The following BTAF1 variants were observed in gnomAD, a reference collection of about 807,000 sequenced individuals.
BTAF1 encodes the protein B-TFIID TATA-box binding protein associated factor 1.
A neutral mutation model predicts 227.1 loss-of-function variants in BTAF1; 38 were observed. The observed-to-expected ratio is 0.17, with a 90% CI of 0.13 to 0.22. BTAF1 has a LOEUF of 0.22. Ranked by LOEUF, BTAF1 falls within the 10% of genes least tolerant of loss-of-function variation. The pLI is 1.00. For missense variants in BTAF1, 1,598 were observed against 2,204.0 expected (o/e 0.73, Z 5.51); for synonymous variants, 742 against 751.9 (o/e 0.99, Z 0.21).
chr10:91,948,666 G>C (rs1429449706), intron 4 of BTAF1, among the ~76,000 whole-genome samples: 1 of 149,808 alleles, frequency 6.7e-6, no homozygotes, highest in African/African-American at 2.5e-5. Flanking sequence ...ACAGGTGTGA[G>C]CCACTATGCC....
chr10:91,945,097 A>G (rs1329277204), intron 4 of BTAF1, among the ~76,000 whole-genome samples: 1 of 152,028 alleles, frequency 6.6e-6, no homozygotes, highest in Non-Finnish European at 1.5e-5. Flanking sequence ...TGAATGACAC[A>G]TTTCTCGGAA....
chr10:91,992,074 C>T, intron 20 of BTAF1, 45 bp from the exon 21 acceptor site: 1 of 1,454,348 alleles, frequency 6.9e-7, no homozygotes, highest in Non-Finnish European at 9.2e-7. Flanking sequence ...CATTTGGTAT[C>T]ACCAATATTA....
chr10:91,991,387 G>C (rs981675823), intron 20 of BTAF1, among the ~76,000 whole-genome samples: 4 of 149,646 alleles, frequency 2.7e-5, no homozygotes, highest in African/African-American at 9.8e-5. Flanking sequence ...GGAGGTTGCA[G>C]TAAGCCAAGA....
At position 92,013,978 on chromosome 10, in the gene BTAF1, T is replaced by C; in HGVS notation, c.4533T>C (p.Asp1511=). ...GAATGAAAGAAGATGTTTTGCAGGATCTTCCACCTAAAATTATTCAAGACT... is the reference window on the plus strand; with the variant it reads ...GAATGAAAGAAGATGTTTTGCAGGACCTTCCACCTAAAATTATTCAAGACT... ...LRRMKEDVLQ[D]LPPKIIQDYY... Residue 1511 remains aspartate, a synonymous_variant, in exon 32 of 38, where the codon GAT becomes GAC. Transcript: ENST00000265990. 6.2e-7 allele frequency: 1 copy of C among 1,613,864 alleles called. No homozygotes were observed. The highest frequency in any genetic ancestry group is 8.5e-7 in the Non-Finnish European group (1 of 1,179,940).
chr10:91,927,844 T>C (rs1276669435), intron 1 of BTAF1, among the ~76,000 whole-genome samples: 1 of 152,206 alleles, frequency 6.6e-6, no homozygotes, highest in Admixed American at 6.5e-5. Context: ...TAGCTGACTT[T>C]CCAGCATCCG....
intron 34 of BTAF1, among the ~76,000 whole-genome samples, chr10:92,021,382 A>T (rs193170390): frequency 2.6e-5 from 4 of 152,164 alleles, no homozygotes; most frequent in African/African-American, 9.7e-5. Flanking sequence ...GTTGAGTTTG[A>T]TTTGATGGCA....
intron 21 of BTAF1, 29 bp downstream of exon 21, chr10:91,992,338 T>C: frequency 9.3e-6 from 14 of 1,505,470 alleles, no homozygotes; most frequent in Admixed American, 2.1e-5. Context: ...TTTTTAATGC[T>C]TTGATTTTTA....
intron 11 of BTAF1, among the ~76,000 whole-genome samples, chr10:91,961,450 CT>C (rs5786981): frequency 0.68 from 100,403 of 147,758 alleles, 34,300 homozygotes; most frequent in South Asian, 0.84. Flanking sequence ...CTAAGATTGT[CT>C]TTTTTTTTTT....
intron 34 of BTAF1, among the ~76,000 whole-genome samples, chr10:92,023,985 T>C (rs1397215733): frequency 6.6e-6 from 1 of 152,206 alleles, no homozygotes; most frequent in Non-Finnish European, 1.5e-5. Flanking sequence ...ATACTATGGA[T>C]GAAGAAGAGT....
intron 11 of BTAF1, among the ~76,000 whole-genome samples, chr10:91,961,046 C>G (rs1444694049): frequency 1.3e-5 from 2 of 152,112 alleles, no homozygotes; most frequent in Non-Finnish European, 2.9e-5. Context: ...GCCAGTAAAA[C>G]ATCTCTTTTC....
chr10:91,989,722 A>AG, intron 20 of BTAF1, 142 bp downstream of exon 20: 2 of 852,138 alleles, frequency 2.3e-6, no homozygotes, highest in Non-Finnish European at 3.6e-6. Context: ...ATTATAACAA[A>AG]ACTCTTTGTT....
chr10:91,991,791 GTGTGTGTATATATA>G (rs67450963), intron 20 of BTAF1, among the ~76,000 whole-genome samples: 13,996 of 67,482 alleles, frequency 0.21, 888 homozygotes, highest in Middle Eastern at 0.27. Context: ...GTGTGTGTGT[GTGTGTGTATATATA>G]TATATATATA....
In BTAF1 at chr10:91,957,217, T is replaced by C. The variant is rs548955158; in HGVS notation, c.832-8T>C. On this transcript the variant is annotated splice_region_variant and splice_polypyrimidine_tract_variant and intron_variant, in intron 7 of 37. Transcript: ENST00000265990. ...TGAACTAGTAGTAATTCTGTTTTTCTTATTCAGACAAATGAATGGCCTTTG... is the reference window on the plus strand; with the variant it reads ...TGAACTAGTAGTAATTCTGTTTTTCCTATTCAGACAAATGAATGGCCTTTG... 82 of 1,611,076 alleles carry C rather than the reference T, an allele frequency of 5.1e-5. No individual in the cohort carries two copies. The South Asian group carries it at 8.8e-4, about 17-fold the overall frequency.
At chr10:91,963,657 C>T (rs1846683397) in intron 12 of BTAF1, among the ~76,000 whole-genome samples, 1 of 152,030 alleles carries the variant, frequency 6.6e-6, no homozygotes, top group Non-Finnish European at 1.5e-5. Context: ...GTTAGAAGTA[C>T]AGTAAGCAGT....
At chr10:92,008,427 T>C (rs958493845) in intron 26 of BTAF1, 152 bp downstream of exon 26, 22 of 741,134 alleles carry the variant, frequency 3.0e-5, no homozygotes, top group Middle Eastern at 7.9e-4. Context: ...CACTGCAGCC[T>C]CAAACTCCTG....
chr10:91,997,240 C>A, intron 24 of BTAF1: 1 of 945,026 alleles, frequency 1.1e-6, no homozygotes, highest in Non-Finnish European at 1.5e-6. Flanking sequence ...CTTTGAGTGA[C>A]ACTCAGTTAT....
chr10:91,927,993 T>TC (rs1158106602), intron 1 of BTAF1, among the ~76,000 whole-genome samples: 3 of 151,024 alleles, frequency 2.0e-5, no homozygotes, highest in Non-Finnish European at 3.0e-5. Context: ...TTTTTTTTTT[T>TC]TTTTTTGCAG....
chr10:91,959,436 A>C (rs1052494270), intron 9 of BTAF1, among the ~76,000 whole-genome samples: 2 of 152,110 alleles, frequency 1.3e-5, no homozygotes, highest in Non-Finnish European at 1.5e-5. Flanking sequence ...GAACAACCTT[A>C]AGTAATTAGT....
At chr10:91,966,198 G>A (rs1248008553) in intron 13 of BTAF1, among the ~76,000 whole-genome samples, 1 of 152,166 alleles carries the variant, frequency 6.6e-6, no homozygotes, top group Non-Finnish European at 1.5e-5. Context: ...GACAGAGATG[G>A]CACCAAAGGG....
Sources: allele counts gnomAD v4.1 joint callset (sites outside exome capture counted in the v4.1 genomes callset), GRCh38; gene constraint gnomAD v4.1.1; transcripts MANE v1.5; gene names NCBI Gene and HGNC (gene_info 2026-07-23, HGNC 2026-07-21).